Variants in TAF4B observed in about 807,000 individuals in gnomAD.
TAF4B encodes the protein transcription initiation factor TFIID subunit 4B.
In TAF4B, 38 loss-of-function variants were observed where a neutral mutation model predicts 86.4. That is an observed-to-expected ratio of 0.44 (90% CI 0.34 to 0.58). TAF4B has a LOEUF of 0.58. Among genes scored for constraint, TAF4B ranks in the 20% least tolerant of loss-of-function variants. The probability of loss-of-function intolerance (pLI) is 0.02; values close to 1 mark genes in which losing one functional copy is unlikely to be tolerated. For missense variants in TAF4B, 988 were observed against 1,027.6 expected (o/e 0.96, Z 0.53); for synonymous variants, 388 against 391.2 (o/e 0.99, Z 0.10).
intron 14 of TAF4B, among the ~76,000 whole-genome samples, chr18:26,359,425 A>T (rs934568101): frequency 3.9e-5 from 6 of 152,242 alleles, no homozygotes; most frequent in African/African-American, 7.2e-5. Context: ...TCTATGGGAA[A>T]AAATTCAAAT....
Position 26,267,495 on chromosome 18 carries a change from T to A in TAF4B, c.490-21T>A, listed in dbSNP as rs771426775. 3 of 1,551,148 alleles carry A rather than the reference T, an allele frequency of 1.9e-6. No homozygotes were observed. The South Asian group carries it at 3.3e-5, about 17-fold the overall frequency. ...CTAACGCTAATGACTTTGTGTTATC[T>A]TGCTCCCCTCCACCGCCAAGAACTC... On this transcript the variant is annotated intron_variant, in intron 2 of 14. Coordinates refer to ENST00000269142, the MANE Select transcript of TAF4B (RefSeq NM_005640.3).
At position 26,300,079 on chromosome 18, in the gene TAF4B, T is replaced by C. The variant is rs1006257922; in HGVS notation, c.1832+6548T>C. 4.9e-4 allele frequency among the ~76,000 whole-genome samples: 75 copies of C among 152,054 alleles called. 1 individual carries two copies. The highest frequency in any genetic ancestry group is 1.6e-4 in the Non-Finnish European group (11 of 67,990). On this transcript the variant is annotated intron_variant, in intron 9 of 14. Transcript: ENST00000269142. ...GCAGTGGCACTTCAAACTCCTGGGC[T>C]CAAGCCATCTTCCTAGCTCAGCCTT...
At position 26,267,583 on chromosome 18, in the gene TAF4B, C is replaced by A. The variant is rs367751144; in HGVS notation, c.557C>A (p.Thr186Asn). Residue 186 changes from threonine (T) to asparagine (N), a missense_variant, in exon 3 of 15, where the codon ACT (threonine) becomes AAT (asparagine). This residue lies in a region of TAF4B where 747 missense variants were observed against 737.9 expected (regional missense o/e 1.01). Coordinates refer to ENST00000269142, the MANE Select transcript of TAF4B (RefSeq NM_005640.3). Reference sequence around the variant, plus strand: ...GTTAAAAAATTGGCACAAATAGGAACTACTGTGGTAACCACTGTTCCGAAG... The same window carrying A: ...GTTAAAAAATTGGCACAAATAGGAAATACTGTGGTAACCACTGTTCCGAAG... ...TPVKKLAQIG[T>N]TVVTTVPKPS... The A allele has an allele frequency of 6.2e-7, 1 of 1,614,168 alleles. No homozygotes were observed. The highest frequency in any genetic ancestry group is 1.1e-5 in the South Asian group (1 of 91,084).
chr18:26,235,897 T>C (rs1014649585), intron 1 of TAF4B, among the ~76,000 whole-genome samples: 3 of 152,218 alleles, frequency 2.0e-5, no homozygotes, highest in African/African-American at 7.2e-5. Flanking sequence ...TTTGTACTCC[T>C]AGAATTGGGG....
chr18:26,303,316 CCCTCCACTTTCATACCT>C (rs2144639638), intron 9 of TAF4B, among the ~76,000 whole-genome samples: 1 of 128,292 alleles, frequency 7.8e-6, no homozygotes, highest in South Asian at 2.9e-4. Flanking sequence ...CTGTCATCCT[CCCTCCACTTTCATACCT>C]CCTCCACTTT....
At chr18:26,313,444 C>T (rs2056871877) in intron 9 of TAF4B, among the ~76,000 whole-genome samples, 1 of 152,106 alleles carries the variant, frequency 6.6e-6, no homozygotes, top group African/African-American at 2.4e-5. Context: ...CAGAGTGATT[C>T]TTAAAATCGT....
chr18:26,267,378 A>C, intron 2 of TAF4B, 138 bp from the exon 3 acceptor site: 1 of 613,908 alleles, frequency 1.6e-6, no homozygotes. Flanking sequence ...TAGAATGTGC[A>C]TAAAACACAT....
rs2055669262 is a variant in TAF4B, at chr18:26,231,433, A to C, written c.343+4157A>C. Among the ~76,000 whole-genome samples the C allele has an allele frequency of 2.1e-5, 3 of 145,512 alleles. No homozygotes were observed. In the Admixed American group the frequency reaches 2.1e-4, roughly 10 times the overall value. On this transcript the variant is annotated intron_variant, in intron 1 of 14. Coordinates refer to ENST00000269142, the MANE Select transcript of TAF4B (RefSeq NM_005640.3). ...AGTGGCATGATCTCAGCTCACTGCA[A>C]CCTCTGCCTCCTGGGTTCAAGCAAT...
At chr18:26,340,909 T>G (rs947595020) in intron 13 of TAF4B, among the ~76,000 whole-genome samples, 1 of 152,192 alleles carries the variant, frequency 6.6e-6, no homozygotes, top group African/African-American at 2.4e-5. Flanking sequence ...CCATGAAAGC[T>G]TCACTAGGTT....
chr18:26,335,841 C>T (rs562181492), intron 13 of TAF4B, among the ~76,000 whole-genome samples: 52 of 152,308 alleles, frequency 3.4e-4, no homozygotes, highest in Non-Finnish European at 6.0e-4. Context: ...TCTGCAGCCT[C>T]CTCTCAGTAG....
rs1000654149 is a variant in TAF4B, at chr18:26,226,713, G to C, written c.-221G>C. The C allele has an allele frequency of 6.1e-5, 25 of 407,584 alleles. No homozygotes were observed. The highest frequency in any genetic ancestry group is 1.0e-4 in the Non-Finnish European group (24 of 233,590). 25.2% of individuals were successfully genotyped at this position (407,584 alleles called of 1,614,324 possible). ...GAGAGGTCGGGCGGGTGTCGCTCCG[G>C]GGGCAGCCCAGGCTCGCGCGGACGA... On this transcript the variant is annotated 5_prime_UTR_variant, in exon 1 of 15. Coordinates refer to ENST00000269142, the MANE Select transcript of TAF4B (RefSeq NM_005640.3).
intron 14 of TAF4B, among the ~76,000 whole-genome samples, chr18:26,364,609 T>C (rs1351598000): frequency 6.6e-6 from 1 of 152,172 alleles, no homozygotes; most frequent in Admixed American, 6.5e-5. Context: ...TTCAAATATT[T>C]TGCATGCCTT....
In TAF4B at chr18:26,227,198, C is replaced by T. The variant is rs372215570; in HGVS notation, c.265C>T (p.Pro89Ser). 8 of 1,614,024 alleles carry T rather than the reference C, an allele frequency of 5.0e-6. No homozygotes were observed. The highest frequency in any genetic ancestry group is 4.5e-5 in the East Asian group (2 of 44,856). Residue 89 changes from proline (P) to serine (S), a missense_variant, in exon 1 of 15, where the codon CCT becomes TCT. Physicochemically the swap from Pro to Ser is moderately conservative, Grantham distance 74 (BLOSUM62 -1). Transcript: ENST00000269142. ...TAAAGTCAGCAGCGGCCCTAGGCTG[C>T]CTGCTCCTCAGATAGTCGCCGTGAA... is the stretch of plus-strand genomic sequence containing the variant. ...PPKVSSGPRL[P>S]APQIVAVKAP...
chr18:26,259,174 T>TG (rs1436216640), intron 1 of TAF4B, among the ~76,000 whole-genome samples: 1 of 151,832 alleles, frequency 6.6e-6, no homozygotes, highest in Non-Finnish European at 1.5e-5. Flanking sequence ...TTCTTTGATT[T>TG]TTTTTTTTTT....
intron 8 of TAF4B, among the ~76,000 whole-genome samples, chr18:26,292,868 T>C (rs1475802087): frequency 1.3e-5 from 2 of 152,184 alleles, no homozygotes; most frequent in Admixed American, 6.5e-5. Flanking sequence ...CTTTTTAGGG[T>C]TATATGTTGT....
intron 3 of TAF4B, among the ~76,000 whole-genome samples, chr18:26,270,551 A>G (rs1205601938): frequency 6.6e-6 from 1 of 152,198 alleles, no homozygotes; most frequent in African/African-American, 2.4e-5. Context: ...CTGGGGCTCA[A>G]GCAAATCCTC....
intron 7 of TAF4B, among the ~76,000 whole-genome samples, chr18:26,291,015 T>G (rs2144608466): frequency 1.3e-5 from 2 of 152,352 alleles, no homozygotes; most frequent in Middle Eastern, 6.8e-3. Context: ...GGCAATTGAA[T>G]TATTCTAACT....
At chr18:26,252,045 G>A (rs1192364617) in intron 1 of TAF4B, among the ~76,000 whole-genome samples, 1 of 152,126 alleles carries the variant, frequency 6.6e-6, no homozygotes, top group Non-Finnish European at 1.5e-5. Context: ...TGTCTCATTT[G>A]GTTCCTTTAA....
intron 13 of TAF4B, among the ~76,000 whole-genome samples, chr18:26,342,052 C>G (rs930157946): frequency 3.9e-5 from 6 of 152,044 alleles, no homozygotes; most frequent in Non-Finnish European, 7.4e-5. Flanking sequence ...ATATCTAATT[C>G]AATTTAAATT....
Sources: gnomAD v4.1 joint callset for allele counts (sites outside exome capture counted in the v4.1 genomes callset) on GRCh38, gnomAD v4.1.1 for gene constraint, gnomAD v4.1.1 regional missense constraint, MANE v1.5 for transcripts, NCBI Gene and HGNC (gene_info 2026-07-23, HGNC 2026-07-21) for gene names.